Variants in CUL4B observed in about 807,000 individuals in gnomAD.
The protein encoded by CUL4B is cullin 4B, also known as cullin-4B.
Under a neutral mutation model 69.2 loss-of-function variants are expected in CUL4B, and 1 was observed. The ratio of observed to expected loss-of-function variants is 0.01; its 90% CI spans 0.01 to 0.07. The LOEUF is 0.07. CUL4B is among the 10% of genes least tolerant of loss of function. The pLI is 1.00. For missense variants in CUL4B, 328 were observed against 638.8 expected, an observed-to-expected ratio of 0.51 and a Z score of 5.24; for synonymous variants, 237 against 223.2, an observed-to-expected ratio of 1.06 and a Z score of -0.55.
Position 120,531,521 on chromosome X carries a change from G to A in CUL4B, c.2439+901C>T, listed in dbSNP as rs190825497. On this transcript the variant is annotated intron_variant, in intron 18 of 19. Transcript: ENST00000371322. ...GTCACCCAGGCTGCAGTGCAGTGGC[G>A]CGATCTCAGCTCACTGCAACCTCCA... Among the ~76,000 whole-genome samples, 791 of 105,420 alleles carry A rather than the reference G, an allele frequency of 7.5e-3. 9 individuals carry two copies. The highest frequency in any genetic ancestry group is 0.026 in the African/African-American group (747 of 28,803). The allele number at this position is 105,420 out of a possible 115,157, so 91.5% of individuals were successfully genotyped here.
chrX:120,567,488 T>C (rs1024789981), downstream of CUL4B, among the ~76,000 whole-genome samples: 1 of 110,071 alleles, frequency 9.1e-6, no homozygotes, highest in Non-Finnish European at 1.9e-5. Flanking sequence ...CTAGGAGTTT[T>C]TTTTGTTTTT....
At chrX:120,559,967 T>A in intron 1 of CUL4B, 116 bp downstream of exon 1, 1 of 1,181,880 alleles carries the variant, frequency 8.5e-7, no homozygotes, top group East Asian at 3.0e-5. Context: ...CCTCATTGAT[T>A]ATGCATAAAA....
chrX:120,540,455 C>T lies in CUL4B; in HGVS notation c.1551G>A (p.Leu517=), dbSNP rs1410770692. 1 of 1,200,477 alleles carries T rather than the reference C, an allele frequency of 8.3e-7. No individual in the cohort carries two copies. The highest frequency in any genetic ancestry group is 1.8e-5 in the African/African-American group (1 of 57,130). ...TGGCATTGATAAATTTCTCATTCTTCAGAAAGCAGATATCAATTATATGGT... is the reference window on the plus strand; with the variant it reads ...TGGCATTGATAAATTTCTCATTCTTTAGAAAGCAGATATCAATTATATGGT... The part of the protein sequence containing the change: ...KVDHIIDICF[L]KNEKFINAMK... Residue 517 remains leucine (L), a synonymous_variant, in exon 11 of 20, where the codon CTG becomes CTA. Transcript: ENST00000371322.
At chrX:120,570,635 C>T (rs183617052), downstream of CUL4B, among the ~76,000 whole-genome samples, 1 of 112,234 alleles carries the variant, frequency 8.9e-6, no homozygotes, top group East Asian at 2.8e-4. Flanking sequence ...TTTTCTATTC[C>T]TATTCTGCAT....
chrX:120,564,329 G>A (rs1408185467), upstream of CUL4B, among the ~76,000 whole-genome samples: 1 of 111,319 alleles, frequency 9.0e-6, no homozygotes, highest in African/African-American at 3.3e-5. Flanking sequence ...CAAAAAACAA[G>A]GCTAGGTGGC....
At chrX:120,559,108 G>A (rs1925141790) in intron 1 of CUL4B, among the ~76,000 whole-genome samples, 1 of 110,555 alleles carries the variant, frequency 9.0e-6, no homozygotes, top group African/African-American at 3.3e-5. Flanking sequence ...AAAAACACAA[G>A]CATAGAGAAC....
chrX:120,542,869 C>T (rs1924079428), intron 9 of CUL4B, 97 bp downstream of exon 9: 1 of 596,491 alleles, frequency 1.7e-6, no homozygotes, highest in Admixed American at 2.7e-5. Flanking sequence ...CAGCCACATG[C>T]TATCAAACTT....
intron 10 of CUL4B, among the ~76,000 whole-genome samples, chrX:120,541,030 A>G (rs942397895): frequency 8.9e-6 from 1 of 112,352 alleles, no homozygotes; most frequent in African/African-American, 3.2e-5. Context: ...GAAGAAAGGA[A>G]AGAAATTTGG....
downstream of CUL4B, among the ~76,000 whole-genome samples, chrX:120,569,454 T>G (rs185887313): frequency 2.6e-4 from 28 of 107,069 alleles, no homozygotes; most frequent in Admixed American, 1.0e-3. Flanking sequence ...TCCGACTCCC[T>G]GGTTCACGCC....
rs1202066576 is a variant in CUL4B at position 120,532,444 on chromosome X, T to C, written c.2417A>G (p.Asn806Ser). Residue 806 changes from asparagine (N) to serine (S), a missense_variant, in exon 18 of 20, where the codon AAT becomes AGT. Asn to Ser is a conservative substitution (Grantham distance 46, BLOSUM62 1). Coordinates refer to ENST00000371322, the MANE Select transcript of CUL4B (RefSeq NM_001079872.2). ...FKHKLFRIKINQIQMKETVEE... is the reference protein window; with the variant it reads ...FKHKLFRIKISQIQMKETVEE... ...TACCGTTTCTTTCATCTGGATTTGA[T>C]TGATCTTTATCCTGAAAAGTTTATG... 2 of 1,201,722 alleles carry C rather than the reference T, an allele frequency of 1.7e-6. No individual in the cohort carries two copies. Among genetic ancestry groups the C allele is most frequent in the Non-Finnish European group, 2.3e-6 (2 of 888,132 alleles).
chrX:120,559,883 G>C (rs760569808), intron 1 of CUL4B, 200 bp downstream of exon 1: 3 of 1,141,754 alleles, frequency 2.6e-6, no homozygotes, highest in African/African-American at 1.8e-5. Context: ...GAAACACCCG[G>C]TGTATGCTTC....
chrX:120,548,568 T>C lies in CUL4B; in HGVS notation c.673-1329A>G, dbSNP rs941552750. ...AAAATCTGTGGCTGGGCGCAGTGGC[T>C]CATGCTTGTAATCCCAGCGGTTTAG... On this transcript the variant is annotated intron_variant, in intron 2 of 19. Coordinates refer to ENST00000371322, the MANE Select transcript of CUL4B (RefSeq NM_001079872.2). 3.6e-5 allele frequency among the ~76,000 whole-genome samples: 4 copies of C among 111,376 alleles called. 1 individual carries two copies. The Admixed American group carries it at 3.8e-4, about 11-fold the overall frequency.
At position 120,544,639 on chromosome X, in the gene CUL4B, T is replaced by A; in HGVS notation, c.925A>T (p.Met309Leu). The A allele has an allele frequency of 2.5e-6, 3 of 1,204,562 alleles. No individual in the cohort carries two copies. Among genetic ancestry groups the A allele is most frequent in the Non-Finnish European group, 3.4e-6 (3 of 889,428 alleles). Residue 309 changes from methionine (M) to leucine (L), a missense_variant, in exon 6 of 20, where the codon ATG becomes TTG. Met to Leu is a conservative substitution (Grantham distance 15, BLOSUM62 2). Around this residue, in one of 4 missense-constraint regions of CUL4B, gnomAD observed 126 missense variants for 202.5 expected, o/e 0.62. Coordinates refer to ENST00000371322, the MANE Select transcript of CUL4B (RefSeq NM_001079872.2). ...QNSMLPSIWD[M>L]GLELFRAHII... The stretch of plus-strand genomic sequence containing the variant: ...TGAGCCCTAAATAACTCCAGTCCCA[T>A]GTCCCTAAAATAAAAAACACATATA...
chrX:120,547,840 G>T (rs780638313), intron 2 of CUL4B, among the ~76,000 whole-genome samples: 1 of 110,535 alleles, frequency 9.0e-6, no homozygotes, highest in Admixed American at 9.7e-5. Context: ...AAAGTGAAAA[G>T]GAGAGAAGGG....
intron 13 of CUL4B, 63 bp downstream of exon 13, chrX:120,538,597 G>T: frequency 1.3e-6 from 1 of 763,551 alleles, no homozygotes. Flanking sequence ...GATTGAAAGG[G>T]TAAAAAGCTA....
chrX:120,551,364 G>C (rs755632335), intron 2 of CUL4B, among the ~76,000 whole-genome samples: 5 of 110,121 alleles, frequency 4.5e-5, no homozygotes, highest in Non-Finnish European at 9.5e-5. Flanking sequence ...CACTCAGCTA[G>C]GTTTTTTTGC....
In CUL4B at chrX:120,532,488, A is replaced by G. The variant is rs1330546630; in HGVS notation, c.2373T>C (p.Ile791=). 8.3e-7 allele frequency: 1 copy of G among 1,203,948 alleles called. No individual in the cohort carries two copies. The highest frequency in any genetic ancestry group is 1.8e-5 in the African/African-American group (1 of 57,046). The part of the protein sequence containing the change: ...GKDIEDGDKF[I]CNDDFKHKLF... ...GTTTATGTTTGAAATCATCATTACA[A>G]ATGAACTTGTCACCATCTTCAATGT... The change falls in exon 18 of 20, where the codon ATT becomes ATC. Residue 791 remains isoleucine (I), a synonymous_variant. Transcript: ENST00000371322.
At chrX:120,568,516 A>G (rs1473287848), downstream of CUL4B, among the ~76,000 whole-genome samples, 1 of 111,882 alleles carries the variant, frequency 8.9e-6, no homozygotes, top group Non-Finnish European at 1.9e-5. Context: ...TTCTATTACT[A>G]AATGTCCTTT....
At chrX:120,542,536 C>T (rs1008178092) in intron 9 of CUL4B, among the ~76,000 whole-genome samples, 6 of 111,999 alleles carry the variant, frequency 5.4e-5, no homozygotes, top group African/African-American at 1.9e-4. Context: ...AAAACCCTCA[C>T]CGCTTTAGTG....
Sources: gnomAD v4.1 joint callset for allele counts (sites outside exome capture counted in the v4.1 genomes callset) on GRCh38, gnomAD v4.1.1 for gene constraint, gnomAD v4.1.1 regional missense constraint, MANE v1.5 for transcripts, NCBI Gene and HGNC (gene_info 2026-07-23, HGNC 2026-07-21) for gene names.